HPGD: variants seen among roughly 807,000 people sequenced by gnomAD.
The protein encoded by HPGD is 15-hydroxyprostaglandin dehydrogenase [NAD(+)].
HPGD carries 29 observed loss-of-function variants against 30.0 expected under a neutral mutation model. That is an observed-to-expected ratio of 0.97 (90% CI 0.72 to 1.32). The LOEUF is 1.32. HPGD is among the 40% of genes most tolerant of loss of function. HPGD has a pLI of 0.00. For synonymous variants in HPGD, 99 were observed against 112.4 expected (o/e 0.88, Z 0.75); for missense variants, 340 against 322.1 (o/e 1.06, Z -0.43).
At position 174,491,925 on chromosome 4, in the gene HPGD, T is replaced by G. The variant is rs377267677; in HGVS notation, c.*31A>C. On this transcript the variant is annotated 3_prime_UTR_variant, in exon 7 of 7. Coordinates refer to ENST00000296522, the MANE Select transcript of HPGD (RefSeq NM_000860.6). ...GATCTGAATATAAGCTATTTGTGCT[T>G]ATTTTCAGCTATGGCTAACACATAA... is the stretch of plus-strand genomic sequence containing the variant. 129 of 1,590,210 alleles carry G rather than the reference T, an allele frequency of 8.1e-5. No homozygotes were observed. Among genetic ancestry groups the G allele is most frequent in the Non-Finnish European group, 1.1e-4 (124 of 1,159,204 alleles).
Position 174,522,015 on chromosome 4 carries a change from A to G in HPGD, c.146T>C (p.Leu49Pro), listed in dbSNP as rs768226174. Residue 49 changes from leucine to proline, a missense_variant, in exon 2 of 7, where the codon CTG becomes CCG. Leu to Pro is a moderately conservative substitution (Grantham distance 98). Transcript: ENST00000296522. ...CTTCTGAGGTTCAAACTGCTCATCCAGGGCAGCTTTACACTGTACACCTGC... is the reference window on the plus strand; with the variant it reads ...CTTCTGAGGTTCAAACTGCTCATCCGGGGCAGCTTTACACTGTACACCTGC... The part of the protein sequence containing the change: ...LEAGVQCKAA[L>P]DEQFEPQKTL... 3 of 1,614,158 alleles carry G rather than the reference A, an allele frequency of 1.9e-6. No homozygotes were observed. Among genetic ancestry groups the G allele is most frequent in the Non-Finnish European group, 2.5e-6 (3 of 1,179,976 alleles).
intron 2 of HPGD, among the ~76,000 whole-genome samples, chr4:174,521,720 T>A (rs1736133512): frequency 6.6e-6 from 1 of 152,216 alleles, no homozygotes; most frequent in Non-Finnish European, 1.5e-5. Context: ...GCCAAATGAC[T>A]ACAATAAAAG....
intron 3 of HPGD, among the ~76,000 whole-genome samples, chr4:174,516,976 T>C (rs1735810429): frequency 6.6e-6 from 1 of 152,150 alleles, no homozygotes; most frequent in African/African-American, 2.4e-5. Flanking sequence ...TAGGAGGATA[T>C]CATGAAGTAG....
Position 174,522,027 on chromosome 4 carries a change from C to T in HPGD, c.134G>A (p.Cys45Tyr). The change falls in exon 2 of 7, where the codon TGT (cysteine) becomes TAT (tyrosine). Residue 45 changes from cysteine (C) to tyrosine (Y), a missense_variant. Coordinates refer to ENST00000296522, the MANE Select transcript of HPGD (RefSeq NM_000860.6). ...AAACTGCTCATCCAGGGCAGCTTTA[C>T]ACTGTACACCTGCTTCAAGATTCCA... ...VDWNLEAGVQ[C>Y]KAALDEQFEP... The T allele has an allele frequency of 6.2e-7, 1 of 1,614,198 alleles. No individual in the cohort carries two copies. Among genetic ancestry groups the T allele is most frequent in the Non-Finnish European group, 8.5e-7 (1 of 1,180,028 alleles).
chr4:174,515,833 A>C (rs1735741282), intron 3 of HPGD, among the ~76,000 whole-genome samples: 1 of 152,126 alleles, frequency 6.6e-6, no homozygotes, highest in African/African-American at 2.4e-5. Flanking sequence ...GACTTCTGTG[A>C]ATACTTCTCA....
At chr4:174,497,568 C>CTTTTCTTTTTTTTTTT (rs1553998366) in intron 4 of HPGD, among the ~76,000 whole-genome samples, 8 of 51,108 alleles carry the variant, frequency 1.6e-4, no homozygotes, top group African/African-American at 4.0e-4. Flanking sequence ...CTTTTTCTTT[C>CTTTTCTTTTTTTTTTT]TTTTTTTTTT....
At chr4:174,516,450 T>C (rs1452474226) in intron 3 of HPGD, among the ~76,000 whole-genome samples, 1 of 151,968 alleles carries the variant, frequency 6.6e-6, no homozygotes, top group African/African-American at 2.4e-5. Context: ...CACATATGGA[T>C]ACAAAGGGGA....
chr4:174,508,076 A>G, intron 4 of HPGD: 1 of 697,620 alleles, frequency 1.4e-6, no homozygotes, highest in Non-Finnish European at 2.6e-6. Context: ...TCTTTCTGCT[A>G]GAGAAAAAGG....
chr4:174,522,149 C>T, intron 1 of HPGD, 82 bp from the exon 2 acceptor site: 2 of 1,598,986 alleles, frequency 1.3e-6, no homozygotes, highest in Non-Finnish European at 1.7e-6. Context: ...AGAGGCTCCC[C>T]TCCTGGACCT....
rs571768915 is a variant in HPGD at position 174,508,393 on chromosome 4, T to C, written c.421+303A>G. On this transcript the variant is annotated intron_variant, in intron 4 of 6. Transcript: ENST00000296522. ...TTACTTTGCCAAAGGTGCTTTCACA[T>C]GCATTATTGCTTAGGAGTCTCACCA... Among the ~76,000 whole-genome samples, 190 of 152,330 alleles carry C rather than the reference T, an allele frequency of 1.2e-3. 1 individual carries two copies. The highest frequency in any genetic ancestry group is 1.8e-3 in the Non-Finnish European group (123 of 68,026).
At chr4:174,500,234 G>A (rs571296598) in intron 4 of HPGD, among the ~76,000 whole-genome samples, 65 of 152,270 alleles carry the variant, frequency 4.3e-4, no homozygotes, top group African/African-American at 1.5e-3. Context: ...CATTAGAATG[G>A]CTAAAATTTA....
chr4:174,521,927 T>G lies in HPGD; in HGVS notation c.217+17A>C. 6.2e-7 allele frequency: 1 copy of G among 1,613,982 alleles called. No homozygotes were observed. Among genetic ancestry groups the G allele is most frequent in the Non-Finnish European group, 8.5e-7 (1 of 1,179,936 alleles). On this transcript the variant is annotated intron_variant, in intron 2 of 6. Transcript: ENST00000296522. ...GAGAGCACGTTCCCAGTTGACAGATTGATTCCCCTGTCTTACCTCTCAGTT... is the reference window on the plus strand; with the variant it reads ...GAGAGCACGTTCCCAGTTGACAGATGGATTCCCCTGTCTTACCTCTCAGTT...
At chr4:174,508,043 A>AT (rs1172877430) in intron 4 of HPGD, 2 of 687,930 alleles carry the variant, frequency 2.9e-6, no homozygotes, top group Non-Finnish European at 5.4e-6. Context: ...AAGAGTAGCC[A>AT]TGCCTCCTCC....
At chr4:174,508,004 G>A in intron 4 of HPGD, 1 of 632,216 alleles carries the variant, frequency 1.6e-6, no homozygotes, top group Non-Finnish European at 2.9e-6. Flanking sequence ...TGAGCAGAAG[G>A]TCTGCCATTA....
chr4:174,511,891 C>T (rs1735522764), intron 3 of HPGD, among the ~76,000 whole-genome samples: 1 of 152,134 alleles, frequency 6.6e-6, no homozygotes, highest in Non-Finnish European at 1.5e-5. Context: ...TGTGATCCGC[C>T]CGCCTCGGTC....
intron 6 of HPGD, 61 bp downstream of exon 6, chr4:174,493,090 A>G: frequency 7.1e-7 from 1 of 1,399,692 alleles, no homozygotes; most frequent in East Asian, 2.5e-5. Context: ...CCCTTTTTAT[A>G]GCTTATCTAA....
At chr4:174,518,111 TTA>T in intron 2 of HPGD, 34 bp from the exon 3 acceptor site, 1 of 997,636 alleles carries the variant, frequency 1.0e-6, no homozygotes, top group Non-Finnish European at 1.6e-6. Flanking sequence ...TGATACATTC[TTA>T]TTTTCCATGT....
intron 3 of HPGD, among the ~76,000 whole-genome samples, chr4:174,509,707 C>A (rs1014782485): frequency 6.6e-6 from 1 of 152,160 alleles, no homozygotes; most frequent in Non-Finnish European, 1.5e-5. Context: ...ATCAAGCAAT[C>A]CTCAACTCCG....
chr4:174,490,478 G>A lies in HPGD; in HGVS notation c.*1478C>T, dbSNP rs886059245. Reference sequence around the variant, plus strand: ...CAGAGGAAAAATACAGAAGATAAGTGATACTGGGCAAACCGACATCATTTA... The same window carrying A: ...CAGAGGAAAAATACAGAAGATAAGTAATACTGGGCAAACCGACATCATTTA... On this transcript the variant is annotated 3_prime_UTR_variant, in exon 7 of 7. Transcript: ENST00000296522. This position sits in a 1 kb window ranked among gnomAD's most constrained non-coding sequence, Gnocchi z 4.4. The A allele has an allele frequency of 3.3e-5, 5 of 152,440 alleles. No individual in the cohort carries two copies. Among genetic ancestry groups the A allele is most frequent in the Non-Finnish European group, 7.4e-5 (5 of 68,014 alleles). The allele number at this position is 152,440 out of a possible 1,614,324, so 9.4% of individuals were successfully genotyped here.
Sources: allele counts gnomAD v4.1 joint callset (sites outside exome capture counted in the v4.1 genomes callset), GRCh38; gene constraint gnomAD v4.1.1; non-coding constraint Gnocchi (gnomAD v3.1); transcripts MANE v1.5; gene names NCBI Gene and HGNC (gene_info 2026-07-23, HGNC 2026-07-21).